The following LRP5 variants were observed in gnomAD, a reference collection of about 807,000 sequenced individuals.
The protein encoded by LRP5 is low-density lipoprotein receptor-related protein 5.
LRP5 carries 62 observed loss-of-function variants against 154.1 expected under a neutral mutation model. The ratio of observed to expected loss-of-function variants is 0.40; its 90% CI spans 0.33 to 0.50. LRP5 has a LOEUF of 0.50. Among genes scored for constraint, LRP5 ranks in the 20% least tolerant of loss-of-function variants. LRP5 has a pLI of 0.55. For synonymous variants in LRP5, 966 were observed against 1,011.5 expected, an observed-to-expected ratio of 0.96 and a Z score of 0.85; for missense variants, 1,915 against 2,336.7, an observed-to-expected ratio of 0.82 and a Z score of 3.72.
chr11:68,339,508 C>T lies in LRP5; in HGVS notation c.92-8339C>T, dbSNP rs552514145. ...TATTACAGGCGCCCTCCACCATGCC[C>T]AGCTAATTTGTGTATTTTTAGTAGA... is the stretch of plus-strand genomic sequence containing the variant. On this transcript the variant is annotated intron_variant, in intron 1 of 22. Transcript: ENST00000294304. Among the ~76,000 whole-genome samples, 5 of 151,514 alleles carry T rather than the reference C, an allele frequency of 3.3e-5. No homozygotes were observed. In the South Asian group the frequency reaches 6.3e-4, roughly 19 times the overall value.
chr11:68,425,381 G>A (rs2098668179), intron 15 of LRP5, 89 bp downstream of exon 15: 2 of 1,343,968 alleles, frequency 1.5e-6, no homozygotes, highest in Admixed American at 3.9e-5. Flanking sequence ...GAGACCTGCC[G>A]TGAGCCCAGT....
intron 1 of LRP5, among the ~76,000 whole-genome samples, chr11:68,336,818 C>T (rs1317288941): frequency 2.6e-5 from 4 of 152,160 alleles, no homozygotes; most frequent in Non-Finnish European, 4.4e-5. Flanking sequence ...CACTTATCGT[C>T]GTAACCATTT....
intron 9 of LRP5, among the ~76,000 whole-genome samples, chr11:68,409,051 G>GAAA (rs57069059): frequency 1.1e-3 from 55 of 51,406 alleles, no homozygotes; most frequent in African/African-American, 4.6e-3. Context: ...CTTATCTGGG[G>GAAA]AAAAAAAAAA....
intron 1 of LRP5, among the ~76,000 whole-genome samples, chr11:68,339,048 A>AT (rs1408791925): frequency 6.9e-6 from 1 of 144,974 alleles, no homozygotes; most frequent in Non-Finnish European, 1.5e-5. Flanking sequence ...TAATTTCTGT[A>AT]TTTTTAGTAG....
chr11:68,326,100 G>A (rs763854695), intron 1 of LRP5, among the ~76,000 whole-genome samples: 10 of 152,216 alleles, frequency 6.6e-5, no homozygotes, highest in East Asian at 1.9e-4. Flanking sequence ...CCGAGTGTGC[G>A]TCCTTGCCTA....
intron 7 of LRP5, among the ~76,000 whole-genome samples, chr11:68,398,212 G>C (rs896267742): frequency 2.0e-5 from 3 of 152,112 alleles, no homozygotes; most frequent in Non-Finnish European, 4.4e-5. Context: ...GGAAACACAG[G>C]GTTCTTCATA....
chr11:68,409,080 A>ATC (rs2098657600), intron 9 of LRP5, among the ~76,000 whole-genome samples: 1 of 41,106 alleles, frequency 2.4e-5, no homozygotes, highest in East Asian at 6.0e-4. Context: ...AAAAATATAT[A>ATC]TATATATATA....
Position 68,386,183 on chromosome 11 carries a change from T to C in LRP5, c.1016-133T>C. On this transcript the variant is annotated intron_variant, in intron 5 of 22. Transcript: ENST00000294304. This position sits in a 1 kb window ranked among gnomAD's most constrained non-coding sequence, Gnocchi z 7.9. ...TAGCATGGGCTGGGTGCGTGTCACC[T>C]AACATCACCAGCCTTTGCAAGGAGA... 2 of 1,094,298 alleles carry C rather than the reference T, an allele frequency of 1.8e-6. No individual in the cohort carries two copies. The highest frequency in any genetic ancestry group is 2.7e-6 in the Non-Finnish European group (2 of 735,078). The allele number at this position is 1,094,298 out of a possible 1,614,324, so 67.8% of individuals were successfully genotyped here.
At chr11:68,443,585 A>ATATATTTTTT (rs1259673892) in intron 21 of LRP5, among the ~76,000 whole-genome samples, 1 of 24,850 alleles carries the variant, frequency 4.0e-5, no homozygotes. Flanking sequence ...ATATATATAT[A>ATATATTTTTT]TTTTTTTTTT....
chr11:68,438,908 G>T (rs1427331832), intron 20 of LRP5, among the ~76,000 whole-genome samples: 1 of 152,238 alleles, frequency 6.6e-6, no homozygotes, highest in African/African-American at 2.4e-5. Flanking sequence ...GGCACTGTAG[G>T]TGTGGAGAAA....
At position 68,363,888 on chromosome 11, in the gene LRP5, T is replaced by C; in HGVS notation, c.828T>C (p.Ser276=). 1.9e-6 allele frequency: 3 copies of C among 1,610,984 alleles called. No individual in the cohort carries two copies. The highest frequency in any genetic ancestry group is 1.7e-5 in the Admixed American group (1 of 59,856). The change falls in exon 4 of 23, where the codon AGT becomes AGC. Residue 276 remains serine (S), a synonymous_variant. Transcript: ENST00000294304. The part of the protein sequence containing the change: ...RTGGKRKEIL[S]ALYSPMDIQV... ...GGGGGAAGAGGAAGGAGATCCTGAG[T>C]GCCCTCTACTCACCCATGGACATCC...
chr11:68,355,207 A>C (rs577197192), intron 2 of LRP5, among the ~76,000 whole-genome samples: 19 of 152,188 alleles, frequency 1.2e-4, no homozygotes, highest in African/African-American at 4.6e-4. Flanking sequence ...CTTCTGCTGA[A>C]TGGAGACCCC....
rs11603492 is a variant in LRP5, at chr11:68,439,007, G to A, written c.4348+325G>A. Among the ~76,000 whole-genome samples the A allele has an allele frequency of 0.04, 6,022 of 152,286 alleles. 133 individuals are homozygous for A. The highest frequency in any genetic ancestry group is 0.078 in the Middle Eastern group (23 of 294). ...GTACCCTAGAAATGAATGTGGGGGCGGCTGGGCTCTCTCCAGAGCTGAAGG... is the reference window on the plus strand; with the variant it reads ...GTACCCTAGAAATGAATGTGGGGGCAGCTGGGCTCTCTCCAGAGCTGAAGG... On this transcript the variant is annotated intron_variant, in intron 20 of 22. Transcript: ENST00000294304.
intron 13 of LRP5, among the ~76,000 whole-genome samples, chr11:68,421,778 GGGGGTGTGTGTGTGT>G (rs1183125370): frequency 1.6e-4 from 22 of 139,974 alleles, no homozygotes; most frequent in African/African-American, 5.9e-4. Flanking sequence ...CTTTCCATCT[GGGGGTGTGTGTGTGT>G]GGGGTGTGTG....
In LRP5 at chr11:68,408,242, ATTT is replaced by A. The variant is rs11299690; in HGVS notation, c.2091+1452_2091+1454del. Among the ~76,000 whole-genome samples, 363 of 52,150 alleles carry A rather than the reference ATTT, an allele frequency of 7.0e-3. 2 individuals carry two copies. The highest frequency in any genetic ancestry group is 0.024 in the African/African-American group (339 of 14,192). 34.2% of individuals were successfully genotyped at this position (52,150 alleles called of 152,430 possible). A position where few individuals can be genotyped will look rare whatever the true frequency, so the allele number is the denominator to read the frequency against. On this transcript the variant is annotated intron_variant, in intron 9 of 22. Coordinates refer to ENST00000294304, the MANE Select transcript of LRP5 (RefSeq NM_002335.4). ...AGGCACACACCACCACTCCTGGCTG[ATTT>A]TTTTTTTTTTTTTTTTTTTTTTGGG...
intron 4 of LRP5, among the ~76,000 whole-genome samples, chr11:68,365,254 G>C (rs1245236600): frequency 2.9e-5 from 2 of 68,034 alleles, no homozygotes; most frequent in Non-Finnish European, 5.6e-5. Context: ...ATAGGAGCTT[G>C]GTGGGAGGAA....
intron 7 of LRP5, among the ~76,000 whole-genome samples, chr11:68,392,130 T>C (rs528427616): frequency 2.6e-5 from 4 of 152,324 alleles, no homozygotes; most frequent in Admixed American, 2.0e-4. Flanking sequence ...ATGACAGGCA[T>C]CAGCCGTCAC....
At chr11:68,399,708 A>G (rs2098651565) in intron 7 of LRP5, among the ~76,000 whole-genome samples, 1 of 152,206 alleles carries the variant, frequency 6.6e-6, no homozygotes, top group Non-Finnish European at 1.5e-5. Flanking sequence ...TCTTGGAAAT[A>G]TCTGGCTCCA....
At chr11:68,338,843 C>T (rs1289135414) in intron 1 of LRP5, among the ~76,000 whole-genome samples, 1 of 144,754 alleles carries the variant, frequency 6.9e-6, no homozygotes, top group Admixed American at 6.9e-5. Flanking sequence ...CAACATTACT[C>T]ATTGGTTTTT....
Sources: gnomAD v4.1 joint callset for allele counts (sites outside exome capture counted in the v4.1 genomes callset) on GRCh38, gnomAD v4.1.1 for gene constraint, Gnocchi (gnomAD v3.1) non-coding constraint, MANE v1.5 for transcripts, NCBI Gene and HGNC (gene_info 2026-07-23, HGNC 2026-07-21) for gene names.